The following VSTM2B variants were observed in gnomAD, a reference collection of about 807,000 sequenced individuals.
VSTM2B encodes the protein V-set and transmembrane domain-containing protein 2B.
Under a neutral mutation model 24.0 loss-of-function variants are expected in VSTM2B, and 24 were observed. The ratio of observed to expected loss-of-function variants is 1.00; its 90% CI spans 0.72 to 1.40. The LOEUF (loss-of-function observed/expected upper bound fraction) is 1.40. Among genes scored for constraint, VSTM2B ranks in the 40% most tolerant of loss-of-function variants. VSTM2B has a pLI of 0.00. For missense variants in VSTM2B, 399 were observed against 416.4 expected (o/e 0.96, Z 0.36); for synonymous variants, 226 against 194.4 (o/e 1.16, Z -1.35).
intron 4 of VSTM2B, among the ~76,000 whole-genome samples, chr19:29,552,528 C>T (rs992563507): frequency 3.9e-5 from 6 of 152,156 alleles, no homozygotes; most frequent in African/African-American, 1.4e-4. Context: ...GCTACCTTAC[C>T]CAGGAAACCA....
chr19:29,533,177 C>T (rs1969800048), intron 4 of VSTM2B, among the ~76,000 whole-genome samples: 1 of 152,220 alleles, frequency 6.6e-6, no homozygotes. Flanking sequence ...GCTGATGGCA[C>T]AGTGCCCAGT....
At chr19:29,549,832 C>G (rs1286474364) in intron 4 of VSTM2B, among the ~76,000 whole-genome samples, 1 of 152,216 alleles carries the variant, frequency 6.6e-6, no homozygotes, top group Non-Finnish European at 1.5e-5. Flanking sequence ...GGAGGCTCCT[C>G]CTTCAGCTGG....
chr19:29,540,409 C>T (rs941915099), intron 4 of VSTM2B, among the ~76,000 whole-genome samples: 1 of 152,210 alleles, frequency 6.6e-6, no homozygotes, highest in African/African-American at 2.4e-5. Flanking sequence ...AAGGTGGGGC[C>T]AGGGTGGGCT....
At chr19:29,562,060 C>T (rs1272718551) in intron 4 of VSTM2B, among the ~76,000 whole-genome samples, 7 of 152,284 alleles carry the variant, frequency 4.6e-5, no homozygotes, top group Middle Eastern at 3.4e-3. Flanking sequence ...TGTGCAGAAG[C>T]GATGGTCTAT....
At chr19:29,559,770 A>G (rs1364295117) in intron 4 of VSTM2B, among the ~76,000 whole-genome samples, 1 of 152,050 alleles carries the variant, frequency 6.6e-6, no homozygotes, top group East Asian at 1.9e-4. Context: ...TGTAACATCT[A>G]TTTGCATGGC....
chr19:29,542,688 T>C (rs1193150248), intron 4 of VSTM2B, among the ~76,000 whole-genome samples: 1 of 151,578 alleles, frequency 6.6e-6, no homozygotes, highest in Non-Finnish European at 1.5e-5. Flanking sequence ...GGTGGATGGG[T>C]GAATGGAGAG....
Position 29,527,071 on chromosome 19 carries a change from C to T in VSTM2B, c.83-140C>T, listed in dbSNP as rs964766394. ...AGCCGCTTCCCCGAACTTTGCTAGC[C>T]CCTCCGGCCGTGCGCCAGGGAGCAG... On this transcript the variant is annotated intron_variant, in intron 1 of 4. Coordinates refer to ENST00000335523, the MANE Select transcript of VSTM2B (RefSeq NM_001146339.2). 11 of 763,332 alleles carry T rather than the reference C, an allele frequency of 1.4e-5. No homozygotes were observed. The East Asian group carries it at 3.1e-4, about 21-fold the overall frequency. The allele number at this position is 763,332 out of a possible 1,614,324, so 47.3% of individuals were successfully genotyped here.
At position 29,527,345 on chromosome 19, in the gene VSTM2B, C is replaced by A. The variant is rs1388787854; in HGVS notation, c.217C>A (p.Arg73=). The change falls in exon 2 of 5, where the codon CGG becomes AGG. Residue 73 remains arginine (R), a synonymous_variant. Transcript: ENST00000335523. ...GTGGTGGTACCTCAAGGAGCCACCC[C>A]GGGAGCTGCTGCACGAGCTGGCGCT... ...IQWWYLKEPP[R]ELLHELALSV... 1.0e-5 allele frequency: 16 copies of A among 1,548,034 alleles called. No homozygotes were observed. Among genetic ancestry groups the A allele is most frequent in the Non-Finnish European group, 1.4e-5 (16 of 1,146,234 alleles).
At chr19:29,531,471 C>T (rs1024524735) in intron 4 of VSTM2B, among the ~76,000 whole-genome samples, 2 of 152,198 alleles carry the variant, frequency 1.3e-5, no homozygotes, top group African/African-American at 4.8e-5. Flanking sequence ...TCTTCATGTC[C>T]TTAGTGTCAC....
chr19:29,530,360 G>A, intron 4 of VSTM2B, 70 bp downstream of exon 4: 1 of 1,346,000 alleles, frequency 7.4e-7, no homozygotes. Flanking sequence ...GGGACGCCCC[G>A]GGGGGCTCCG....
chr19:29,538,668 G>C (rs961792527), intron 4 of VSTM2B, among the ~76,000 whole-genome samples: 4 of 152,204 alleles, frequency 2.6e-5, no homozygotes, highest in Non-Finnish European at 4.4e-5. Flanking sequence ...TTGGCTTCTG[G>C]TGAGGCTTCA....
intron 4 of VSTM2B, among the ~76,000 whole-genome samples, chr19:29,547,577 G>A (rs182183163): frequency 1.2e-4 from 18 of 152,312 alleles, no homozygotes; most frequent in Non-Finnish European, 2.4e-4. Flanking sequence ...GCTGGGGGCT[G>A]AGGAGAGAGG....
In VSTM2B at chr19:29,526,790, C is replaced by T. The variant is rs945216215; in HGVS notation, c.82+125C>T. On this transcript the variant is annotated intron_variant, in intron 1 of 4. Transcript: ENST00000335523. This position sits in a 1 kb window ranked among gnomAD's most constrained non-coding sequence, Gnocchi z 4.1. The stretch of plus-strand genomic sequence containing the variant: ...GGTCTCCAGCAATCCCGCTGTGCAG[C>T]CTGGGCCCGGAGGGGTAGGGAGAGG... 3.7e-5 allele frequency: 34 copies of T among 915,224 alleles called. No individual in the cohort carries two copies. The highest frequency in any genetic ancestry group is 1.0e-4 in the Admixed American group (4 of 39,324). The allele number at this position is 915,224 out of a possible 1,614,324, so 56.7% of individuals were successfully genotyped here. A position where few individuals can be genotyped will look rare whatever the true frequency, so the allele number is the denominator to read the frequency against.
intron 4 of VSTM2B, among the ~76,000 whole-genome samples, chr19:29,535,655 G>A (rs1020497469): frequency 6.6e-6 from 1 of 152,236 alleles, no homozygotes; most frequent in African/African-American, 2.4e-5. Context: ...CGTAAACCGT[G>A]ACCAAAGGGG....
intron 1 of VSTM2B, 178 bp from the exon 2 acceptor site, chr19:29,527,033 G>A: frequency 1.7e-6 from 1 of 587,230 alleles, no homozygotes; most frequent in East Asian, 3.1e-5. Context: ...GCCGGTCCCT[G>A]CCTCGGCCCT....
chr19:29,528,754 C>G (rs1241084002), intron 3 of VSTM2B, among the ~76,000 whole-genome samples: 1 of 152,258 alleles, frequency 6.6e-6, no homozygotes, highest in Non-Finnish European at 1.5e-5. Context: ...TAGGGCCTCT[C>G]GCGCCTGCCA....
At position 29,540,312 on chromosome 19, in the gene VSTM2B, G is replaced by A. The variant is rs570044554; in HGVS notation, c.769+10022G>A. Among the ~76,000 whole-genome samples, 256 of 152,350 alleles carry A rather than the reference G, an allele frequency of 1.7e-3. 2 individuals carry two copies. The highest frequency in any genetic ancestry group is 2.2e-3 in the Non-Finnish European group (148 of 68,032). On this transcript the variant is annotated intron_variant, in intron 4 of 4. Coordinates refer to ENST00000335523, the MANE Select transcript of VSTM2B (RefSeq NM_001146339.2). Reference sequence around the variant, plus strand: ...GTCTAGTTATGGTGGCCATGCAGGAGGATGAACCCAGGGCTCAGCTCAGGC... The same window carrying A: ...GTCTAGTTATGGTGGCCATGCAGGAAGATGAACCCAGGGCTCAGCTCAGGC...
chr19:29,554,612 G>A (rs1416471236), intron 4 of VSTM2B, among the ~76,000 whole-genome samples: 1 of 152,092 alleles, frequency 6.6e-6, no homozygotes, highest in Non-Finnish European at 1.5e-5. Flanking sequence ...CCAATTAAAA[G>A]ACATAGAATG....
At position 29,564,036 on chromosome 19, in the gene VSTM2B, CA is replaced by C. The variant is rs1169367675; in HGVS notation, c.*103del. ...ATGGACACAGAGAGACTGAGAGACG[CA>C]TGAAAAAGTCCACATGGAAAATAAA... On this transcript the variant is annotated 3_prime_UTR_variant, in exon 5 of 5. Transcript: ENST00000335523. 6 of 856,710 alleles carry C rather than the reference CA, an allele frequency of 7.0e-6. No homozygotes were observed. Among genetic ancestry groups the C allele is most frequent in the Non-Finnish European group, 1.1e-5 (6 of 540,722 alleles). The allele number at this position is 856,710 out of a possible 1,614,324, so 53.1% of individuals were successfully genotyped here.
Sources: allele counts gnomAD v4.1 joint callset (sites outside exome capture counted in the v4.1 genomes callset), GRCh38; gene constraint gnomAD v4.1.1; non-coding constraint Gnocchi (gnomAD v3.1); transcripts MANE v1.5; gene names NCBI Gene and HGNC (gene_info 2026-07-23, HGNC 2026-07-21).